Variants in VPS13B observed in about 807,000 individuals in gnomAD.
VPS13B encodes the protein vacuolar protein sorting 13 homolog B.
VPS13B carries 285 observed loss-of-function variants against 426.4 expected under a neutral mutation model. The observed-to-expected ratio is 0.67, with a 90% CI of 0.61 to 0.74. The LOEUF is 0.74. VPS13B is among the 30% of genes least tolerant of loss of function. VPS13B has a pLI of 0.00. For synonymous variants in VPS13B, 1,676 were observed against 1,676.4 expected, an observed-to-expected ratio of 1.00 and a Z score of 0.01; for missense variants, 4,537 against 4,782.6, an observed-to-expected ratio of 0.95 and a Z score of 1.51.
intron 14 of VPS13B, among the ~76,000 whole-genome samples, chr8:99,149,137 T>G (rs1162533610): frequency 6.6e-6 from 1 of 152,238 alleles, no homozygotes; most frequent in East Asian, 1.9e-4. Context: ...AGACCCACCA[T>G]AGTACTTAGC....
intron 34 of VPS13B, among the ~76,000 whole-genome samples, chr8:99,660,537 T>C (rs1830182491): frequency 6.6e-6 from 1 of 152,066 alleles, no homozygotes. Context: ...ACTGTGAATA[T>C]TTAGAAGTTT....
intron 17 of VPS13B, among the ~76,000 whole-genome samples, chr8:99,194,368 A>C (rs975148470): frequency 6.6e-6 from 1 of 152,154 alleles, no homozygotes; most frequent in East Asian, 1.9e-4. Context: ...CTCCTGTCTA[A>C]CTGAAACTTT....
intron 17 of VPS13B, among the ~76,000 whole-genome samples, chr8:99,216,939 G>A (rs1378691383): frequency 6.6e-6 from 1 of 152,060 alleles, no homozygotes; most frequent in Admixed American, 6.6e-5. Context: ...ACCTTAGTGT[G>A]TGGTCCTACA....
chr8:99,849,966 T>C (rs571791382), intron 55 of VPS13B, among the ~76,000 whole-genome samples: 152 of 148,742 alleles, frequency 1.0e-3, no homozygotes, highest in African/African-American at 3.4e-3. Context: ...TAAGTACGCA[T>C]GTATGTACTT....
chr8:99,518,626 G>C (rs1401428344), intron 29 of VPS13B, among the ~76,000 whole-genome samples: 1 of 151,624 alleles, frequency 6.6e-6, no homozygotes, highest in African/African-American at 2.4e-5. Context: ...ATCTTATTCT[G>C]GTTCCTTATT....
At chr8:99,630,550 T>A (rs886729359) in intron 33 of VPS13B, among the ~76,000 whole-genome samples, 3 of 152,018 alleles carry the variant, frequency 2.0e-5, no homozygotes, top group African/African-American at 7.2e-5. Flanking sequence ...ATGAGCACCT[T>A]GCAAATGATT....
intron 35 of VPS13B, among the ~76,000 whole-genome samples, chr8:99,690,592 G>GTATC (rs1219388433): frequency 6.6e-6 from 1 of 151,940 alleles, no homozygotes; most frequent in African/African-American, 2.4e-5. Flanking sequence ...TGCAAATCAT[G>GTATC]TATCTATATA....
intron 33 of VPS13B, among the ~76,000 whole-genome samples, chr8:99,587,962 G>A (rs56898968): frequency 0.023 from 3,487 of 151,700 alleles, 246 homozygotes; most frequent in African/African-American, 0.081. Context: ...TAGGTCTAAC[G>A]TTTAAGTCTT....
At chr8:99,587,865 C>T (rs1299554826) in intron 33 of VPS13B, among the ~76,000 whole-genome samples, 1 of 151,678 alleles carries the variant, frequency 6.6e-6, no homozygotes, top group Non-Finnish European at 1.5e-5. Context: ...GTTGTCATTG[C>T]TTTTGGTGTT....
intron 31 of VPS13B, among the ~76,000 whole-genome samples, chr8:99,559,511 G>C (rs1824777027): frequency 6.6e-6 from 1 of 152,136 alleles, no homozygotes; most frequent in Non-Finnish European, 1.5e-5. Flanking sequence ...TATTGCCTAG[G>C]TTTTCTTCTA....
chr8:99,365,446 G>T lies in VPS13B; in HGVS notation c.2825-18762G>T, dbSNP rs191242302. On this transcript the variant is annotated intron_variant, in intron 19 of 61. Transcript: ENST00000357162. Reference sequence around the variant, plus strand: ...TAAACTCCCCCTTAGTCCTGCTTTTGCTGTTTTGGTATGCTGTTTCCATTA... The same window carrying T: ...TAAACTCCCCCTTAGTCCTGCTTTTTCTGTTTTGGTATGCTGTTTCCATTA... 4.0e-5 allele frequency among the ~76,000 whole-genome samples: 6 copies of T among 148,906 alleles called. No individual in the cohort carries two copies. The South Asian group carries it at 1.3e-3, about 32-fold the overall frequency.
At chr8:99,156,452 C>G (rs76763032) in intron 14 of VPS13B, 97 bp from the exon 15 acceptor site, 13,119 of 1,152,330 alleles carry the variant, frequency 0.011, 107 homozygotes, top group Non-Finnish European at 0.013. Context: ...GATTTGATAT[C>G]ACTGCAAATG....
intron 42 of VPS13B, among the ~76,000 whole-genome samples, chr8:99,781,245 A>T (rs1463847326): frequency 1.3e-5 from 2 of 152,292 alleles, no homozygotes; most frequent in East Asian, 3.9e-4. Context: ...TAAGGATCCA[A>T]AATGCCATTT....
chr8:99,650,952 A>G (rs1028810491), intron 34 of VPS13B, among the ~76,000 whole-genome samples: 1 of 152,162 alleles, frequency 6.6e-6, no homozygotes, highest in Non-Finnish European at 1.5e-5. Flanking sequence ...TTTACATAGC[A>G]CTTATATTGT....
intron 3 of VPS13B, among the ~76,000 whole-genome samples, chr8:99,045,956 A>G (rs1331077619): frequency 6.6e-6 from 1 of 152,032 alleles, no homozygotes. Flanking sequence ...TGGCCTTATC[A>G]TATTGCTTGA....
chr8:99,505,422 G>C (rs182540193), intron 27 of VPS13B, among the ~76,000 whole-genome samples: 24 of 152,212 alleles, frequency 1.6e-4, no homozygotes, highest in African/African-American at 5.8e-4. Context: ...ACACTTAGGG[G>C]CCATTGTAGG....
chr8:99,066,833 G>A (rs1263023516), intron 3 of VPS13B, among the ~76,000 whole-genome samples: 1 of 152,050 alleles, frequency 6.6e-6, no homozygotes, highest in African/African-American at 2.4e-5. Flanking sequence ...CAAAAAGTGG[G>A]CAAAGGACAG....
Position 99,468,361 on chromosome 8 carries a change from T to C in VPS13B, c.3666+727T>C, listed in dbSNP as rs1049716851. Among the ~76,000 whole-genome samples the C allele has an allele frequency of 4.5e-4, 68 of 152,276 alleles. 1 individual carries two copies. The highest frequency in any genetic ancestry group is 1.5e-3 in the African/African-American group (64 of 41,572). ...ATTATTTGTGCAAACCCAGGTGATG[T>C]GAATTCATATTAAACTGTAAAATTA... On this transcript the variant is annotated intron_variant, in intron 24 of 61. Coordinates refer to ENST00000357162, the MANE Select transcript of VPS13B (RefSeq NM_152564.5).
At chr8:99,363,781 C>A (rs1208955352) in intron 19 of VPS13B, among the ~76,000 whole-genome samples, 2 of 152,096 alleles carry the variant, frequency 1.3e-5, no homozygotes, top group East Asian at 3.8e-4. Flanking sequence ...TTGCTGTTGG[C>A]ATATAGAAAT....
Sources: allele counts gnomAD v4.1 joint callset (sites outside exome capture counted in the v4.1 genomes callset), GRCh38; gene constraint gnomAD v4.1.1; transcripts MANE v1.5; gene names NCBI Gene and HGNC (gene_info 2026-07-23, HGNC 2026-07-21).